DCC: variants seen among roughly 807,000 people sequenced by gnomAD.
DCC encodes the protein DCC netrin 1 receptor.
In DCC, 58 loss-of-function variants were observed where a neutral mutation model predicts 172.5. The ratio of observed to expected loss-of-function variants is 0.34; its 90% CI spans 0.27 to 0.42. DCC has a LOEUF of 0.42. DCC is among the 10% of genes least tolerant of loss of function. DCC has a pLI of 1.00. For synonymous variants in DCC, 709 were observed against 644.5 expected (o/e 1.10, Z -1.52); for missense variants, 1,740 against 1,791.0 (o/e 0.97, Z 0.51).
chr18:52,925,213 C>T (rs777681544), intron 4 of DCC, 21 bp from the exon 5 acceptor site: 2 of 1,610,002 alleles, frequency 1.2e-6, no homozygotes, highest in Non-Finnish European at 1.7e-6. Context: ...ATTTACTCTG[C>T]ACCTTCCCTA....
At chr18:52,709,833 T>C (rs1228969118) in intron 1 of DCC, among the ~76,000 whole-genome samples, 1 of 152,178 alleles carries the variant, frequency 6.6e-6, no homozygotes, top group African/African-American at 2.4e-5. Context: ...AAATGGATAA[T>C]GTATAGTAAG....
At chr18:52,610,167 AAAAAAAAAAAAATATATATATATAT>A (rs1325902753) in intron 1 of DCC, among the ~76,000 whole-genome samples, 12 of 23,046 alleles carry the variant, frequency 5.2e-4, no homozygotes, top group East Asian at 5.0e-3. Context: ...AAAAAAAAAA[AAAAAAAAAAAAATATATATATATAT>A]ATATATATAT....
chr18:53,283,647 A>G (rs2056898937), intron 12 of DCC, among the ~76,000 whole-genome samples: 1 of 152,190 alleles, frequency 6.6e-6, no homozygotes, highest in Non-Finnish European at 1.5e-5. Context: ...AGGTCTGTCT[A>G]ACTTCTACGA....
intron 15 of DCC, among the ~76,000 whole-genome samples, chr18:53,367,466 A>C (rs900589083): frequency 2.0e-5 from 3 of 152,228 alleles, no homozygotes; most frequent in African/African-American, 7.2e-5. Context: ...AGTGGTATTT[A>C]CATAAGTCCT....
At chr18:53,077,620 G>A (rs536244096) in intron 7 of DCC, among the ~76,000 whole-genome samples, 2 of 152,228 alleles carry the variant, frequency 1.3e-5, no homozygotes, top group South Asian at 4.1e-4. Context: ...CTCTCCCATG[G>A]TTATTTTTCT....
At chr18:52,810,928 G>A (rs768934657) in intron 2 of DCC, among the ~76,000 whole-genome samples, 1 of 152,184 alleles carries the variant, frequency 6.6e-6, no homozygotes, top group Non-Finnish European at 1.5e-5. Flanking sequence ...TCTTGAGAGG[G>A]ATGGCAGATG....
rs1285123902 is a variant in DCC, at chr18:53,526,660, G to T, written c.4155G>T (p.Gly1385=). 1.9e-6 allele frequency: 3 copies of T among 1,613,550 alleles called. No individual in the cohort carries two copies. The Admixed American group carries it at 5.0e-5, about 27-fold the overall frequency. ...CCCATGTGAAAACAGCCTCCCTTGG[G>T]TTGGCTGGAAAAGCAAGATCCCCTT... The part of the protein sequence containing the change: ...PKTHVKTASL[G]LAGKARSPLL... The change falls in exon 28 of 29, where the codon GGG becomes GGT. Residue 1385 remains glycine, a synonymous_variant. Transcript: ENST00000442544.
At chr18:53,285,066 CAG>C (rs1485587199) in intron 12 of DCC, among the ~76,000 whole-genome samples, 10 of 151,896 alleles carry the variant, frequency 6.6e-5, no homozygotes, top group African/African-American at 2.2e-4. Flanking sequence ...ACATGGGAAA[CAG>C]AAGATAAAAG....
intron 2 of DCC, among the ~76,000 whole-genome samples, chr18:52,782,573 C>A (rs1329331051): frequency 6.6e-6 from 1 of 152,124 alleles, no homozygotes; most frequent in Non-Finnish European, 1.5e-5. Context: ...CCCTTTCTAG[C>A]CAAGGACTTG....
chr18:52,655,750 C>T (rs1442475295), intron 1 of DCC, among the ~76,000 whole-genome samples: 2 of 151,850 alleles, frequency 1.3e-5, no homozygotes, highest in Non-Finnish European at 2.9e-5. Flanking sequence ...CTAGATTCTA[C>T]CTTGGAGGAA....
intron 1 of DCC, among the ~76,000 whole-genome samples, chr18:52,416,875 T>C (rs1010587935): frequency 7.2e-5 from 11 of 152,048 alleles, no homozygotes; most frequent in African/African-American, 2.4e-4. Flanking sequence ...CATTTACATT[T>C]AAAGTGAATA....
chr18:52,812,163 T>C (rs1423004223), intron 2 of DCC, among the ~76,000 whole-genome samples: 8 of 152,228 alleles, frequency 5.3e-5, no homozygotes, highest in Admixed American at 3.9e-4. Flanking sequence ...TGGAGCACTT[T>C]TTCTTTTCAA....
At chr18:52,714,074 A>G (rs1376105216) in intron 1 of DCC, among the ~76,000 whole-genome samples, 1 of 152,180 alleles carries the variant, frequency 6.6e-6, no homozygotes, top group Non-Finnish European at 1.5e-5. Flanking sequence ...TATGAATCTT[A>G]TTTAATCCTT....
chr18:52,597,453 GC>G (rs2033931628), intron 1 of DCC, among the ~76,000 whole-genome samples: 1 of 152,200 alleles, frequency 6.6e-6, no homozygotes, highest in South Asian at 2.1e-4. Flanking sequence ...GGTCAATATT[GC>G]TTTTGCTACT....
chr18:52,907,138 T>C (rs920290147), intron 3 of DCC, among the ~76,000 whole-genome samples: 1 of 150,344 alleles, frequency 6.7e-6, no homozygotes, highest in Admixed American at 6.7e-5. Flanking sequence ...ATACACAAAA[T>C]TTTAAATATA....
chr18:52,656,850 A>G (rs1013318101), intron 1 of DCC, among the ~76,000 whole-genome samples: 3 of 152,150 alleles, frequency 2.0e-5, no homozygotes, highest in African/African-American at 7.2e-5. Flanking sequence ...TTCTAAATAC[A>G]AATATATCCT....
chr18:52,975,323 A>G (rs2041099423), intron 5 of DCC, among the ~76,000 whole-genome samples: 1 of 152,124 alleles, frequency 6.6e-6, no homozygotes, highest in African/African-American at 2.4e-5. Context: ...TTCTTTTCTT[A>G]TAAGGATACA....
intron 13 of DCC, among the ~76,000 whole-genome samples, chr18:53,308,013 T>C (rs980339147): frequency 6.7e-6 from 1 of 148,426 alleles, no homozygotes; most frequent in Non-Finnish European, 1.5e-5. Context: ...AATTTTCTTT[T>C]CATAAAGATA....
intron 2 of DCC, among the ~76,000 whole-genome samples, chr18:52,862,313 A>T (rs2039156241): frequency 6.6e-6 from 1 of 152,200 alleles, no homozygotes; most frequent in African/African-American, 2.4e-5. Flanking sequence ...AAAACACTTC[A>T]TATCAAAATA....
Sources: allele counts gnomAD v4.1 joint callset (sites outside exome capture counted in the v4.1 genomes callset), GRCh38; gene constraint gnomAD v4.1.1; transcripts MANE v1.5; gene names NCBI Gene and HGNC (gene_info 2026-07-23, HGNC 2026-07-21).